Variants in TRMT44 observed in about 807,000 individuals in gnomAD.
TRMT44 encodes the protein tRNA methyltransferase 44 homolog.
A neutral mutation model predicts 77.3 loss-of-function variants in TRMT44; 78 were observed. That is an observed-to-expected ratio of 1.01 (90% CI 0.84 to 1.22). The LOEUF (loss-of-function observed/expected upper bound fraction) is 1.22, where lower values mean the gene tolerates loss of function less well. Ranked by LOEUF, TRMT44 falls within the 50% of genes most tolerant of loss-of-function variation. The probability of loss-of-function intolerance (pLI) is 0.00; values close to 1 mark genes in which losing one functional copy is unlikely to be tolerated. For missense variants in TRMT44, 1,090 were observed against 964.4 expected (o/e 1.13, Z -1.73); for synonymous variants, 391 against 383.3 (o/e 1.02, Z -0.23).
downstream of TRMT44, among the ~76,000 whole-genome samples, chr4:8,495,942 TATTC>T (rs1456150650): frequency 1.3e-5 from 2 of 152,224 alleles, no homozygotes; most frequent in Non-Finnish European, 2.9e-5. Context: ...GGGCGGGGCC[TATTC>T]ATTCTGATTG....
intron 8 of TRMT44, among the ~76,000 whole-genome samples, chr4:8,467,527 G>GGC (rs752311827): frequency 1.3e-5 from 2 of 152,170 alleles, no homozygotes; most frequent in Non-Finnish European, 2.9e-5. Flanking sequence ...TTGTCACCCA[G>GGC]GCTGGAGTGC....
At chr4:8,513,784 C>T in the TRMT44 span, among the ~76,000 whole-genome samples, 10 of 152,200 alleles carry the variant, frequency 6.6e-5, no homozygotes, top group Non-Finnish European at 1.0e-4. Flanking sequence ...GGAAAGGTGT[C>T]TCATCTTGAT....
chr4:8,470,014 G>A lies in TRMT44; in HGVS notation c.1928-1070G>A, dbSNP rs555945131. ...CTGGCTAGGAGTCAAGACCGCACAC[G>A]TCAAAGGATGAGAAACCAAGAGGCC... is the stretch of plus-strand genomic sequence containing the variant. On this transcript the variant is annotated intron_variant, in intron 9 of 10. Coordinates refer to ENST00000389737, the MANE Select transcript of TRMT44 (RefSeq NM_152544.3). 3.8e-4 allele frequency among the ~76,000 whole-genome samples: 58 copies of A among 152,384 alleles called. No individual in the cohort carries two copies. In the South Asian group the frequency reaches 0.012, roughly 30 times the overall value.
chr4:8,447,779 C>G (rs940010227), intron 2 of TRMT44, among the ~76,000 whole-genome samples: 3 of 152,166 alleles, frequency 2.0e-5, no homozygotes, highest in African/African-American at 7.2e-5. Flanking sequence ...CTAGCATGCC[C>G]TTGTTGGAGA....
downstream of TRMT44, among the ~76,000 whole-genome samples, chr4:8,496,974 T>G (rs1057322338): frequency 1.3e-5 from 2 of 152,150 alleles, no homozygotes; most frequent in African/African-American, 2.4e-5. Context: ...AATACTGCGT[T>G]TCTTCACTCT....
At chr4:8,470,825 A>C (rs888929497) in intron 9 of TRMT44, 1 of 338,350 alleles carries the variant, frequency 3.0e-6, no homozygotes, top group African/African-American at 2.1e-5. Context: ...GCATCACCTG[A>C]CGCCTGGCCC....
chr4:8,489,434 T>C (rs1220019016), intron 2 of TRMT44, among the ~76,000 whole-genome samples: 1 of 151,978 alleles, frequency 6.6e-6, no homozygotes, highest in African/African-American at 2.4e-5. Flanking sequence ...GGGCTAACTT[T>C]GGAAGACAGG....
chr4:8,505,940 T>G, the TRMT44 span, among the ~76,000 whole-genome samples: 1 of 152,214 alleles, frequency 6.6e-6, no homozygotes, highest in African/African-American at 2.4e-5. Flanking sequence ...CCACCATGAT[T>G]GTAAGTTTCC....
At chr4:8,506,382 G>A in the TRMT44 span, among the ~76,000 whole-genome samples, 3 of 152,216 alleles carry the variant, frequency 2.0e-5, no homozygotes, top group Non-Finnish European at 4.4e-5. Context: ...CTGGAATTCC[G>A]CATTTCTTTA....
chr4:8,490,744 G>A (rs901295751), intron 2 of TRMT44, among the ~76,000 whole-genome samples: 1 of 152,158 alleles, frequency 6.6e-6, no homozygotes, highest in Non-Finnish European at 1.5e-5. Context: ...AGTGTGGAAG[G>A]GGCCCCGAGC....
chr4:8,485,633 G>T (rs1346195712), intron 2 of TRMT44, among the ~76,000 whole-genome samples: 2 of 152,108 alleles, frequency 1.3e-5, no homozygotes, highest in African/African-American at 4.8e-5. Context: ...TAAGGTGGGG[G>T]GATATGAGAG....
In TRMT44 at chr4:8,468,175, C is replaced by T; in HGVS notation, c.1756C>T (p.Leu586=). The T allele has an allele frequency of 1.9e-6, 3 of 1,614,142 alleles. No individual in the cohort carries two copies. Among genetic ancestry groups the T allele is most frequent in the Non-Finnish European group, 1.7e-6 (2 of 1,180,040 alleles). Residue 586 remains leucine, a synonymous_variant, in exon 9 of 11, where the codon CTA becomes TTA. Coordinates refer to ENST00000389737, the MANE Select transcript of TRMT44 (RefSeq NM_152544.3). ...AGGGCCCCAGGCTGAAGGACCCTGG[C>T]TACCTGGATTTCATCCCAGAGAAAA... is the stretch of plus-strand genomic sequence containing the variant. ...GAGPQAEGPW[L]PGFHPREKAE...
chr4:8,510,922 A>G, the TRMT44 span: 1 of 152,542 alleles, frequency 6.6e-6, no homozygotes, highest in Non-Finnish European at 1.5e-5. Context: ...GACCATCATC[A>G]CCCAATGAGG....
At chr4:8,448,246 G>T (rs993080496) in intron 2 of TRMT44, among the ~76,000 whole-genome samples, 1 of 152,210 alleles carries the variant, frequency 6.6e-6, no homozygotes, top group Non-Finnish European at 1.5e-5. Flanking sequence ...GTCGATGTGC[G>T]TGCTTCTTCG....
At chr4:8,484,219 C>T (rs746646635) in intron 2 of TRMT44, among the ~76,000 whole-genome samples, 83 of 152,000 alleles carry the variant, frequency 5.5e-4, no homozygotes, top group African/African-American at 1.8e-3. Context: ...ATGGGGTGAA[C>T]GTCAGGTGGA....
intron 3 of TRMT44, 69 bp downstream of exon 3, chr4:8,449,957 T>TCTTTTTTTC: frequency 1.4e-6 from 1 of 722,924 alleles, no homozygotes; most frequent in South Asian, 2.5e-5. Context: ...TTCTTTTTTT[T>TCTTTTTTTC]TTTTTTTTTT....
chr4:8,488,657 A>G (rs1488116876), intron 2 of TRMT44, among the ~76,000 whole-genome samples: 1 of 152,220 alleles, frequency 6.6e-6, no homozygotes, highest in Non-Finnish European at 1.5e-5. Context: ...CTGGGCATAC[A>G]CGTGCAAGTC....
chr4:8,492,247 G>A (rs1317044668), intron 2 of TRMT44, among the ~76,000 whole-genome samples: 1 of 152,136 alleles, frequency 6.6e-6, no homozygotes, highest in East Asian at 1.9e-4. Flanking sequence ...ATTATGTAAT[G>A]CATAACGATC....
intron 6 of TRMT44, among the ~76,000 whole-genome samples, chr4:8,459,140 T>G (rs1268735865): frequency 6.6e-6 from 1 of 152,150 alleles, no homozygotes; most frequent in Non-Finnish European, 1.5e-5. Flanking sequence ...AGGTTGAGAC[T>G]GCGGTGAGCC....
Sources: gnomAD v4.1 joint callset for allele counts (sites outside exome capture counted in the v4.1 genomes callset) on GRCh38, gnomAD v4.1.1 for gene constraint, MANE v1.5 for transcripts, NCBI Gene and HGNC (gene_info 2026-07-23, HGNC 2026-07-21) for gene names.